The following AGBL1 variants were observed in gnomAD, a reference collection of about 807,000 sequenced individuals.
The protein encoded by AGBL1 is cytosolic carboxypeptidase 4.
Under a neutral mutation model 118.9 loss-of-function variants are expected in AGBL1, and 130 were observed. The observed-to-expected ratio is 1.09, with a 90% CI of 0.95 to 1.26. The LOEUF (loss-of-function observed/expected upper bound fraction) is 1.26. AGBL1 is among the 50% of genes most tolerant of loss of function. The pLI is 0.00. For missense variants in AGBL1, 1,584 were observed against 1,298.1 expected, an observed-to-expected ratio of 1.22 and a Z score of -3.38; for synonymous variants, 555 against 478.9, an observed-to-expected ratio of 1.16 and a Z score of -2.08.
At chr15:86,153,200 A>T (rs1396097012) in intron 3 of AGBL1, among the ~76,000 whole-genome samples, 1 of 152,206 alleles carries the variant, frequency 6.6e-6, no homozygotes, top group Non-Finnish European at 1.5e-5. Context: ...TACTATAAAG[A>T]TACATGCACA....
chr15:86,855,747 C>G (rs144558384), intron 22 of AGBL1, among the ~76,000 whole-genome samples: 19 of 152,320 alleles, frequency 1.2e-4, no homozygotes, highest in African/African-American at 4.6e-4. Context: ...TCTTCCTGTG[C>G]TCGCAGTCTG....
At chr15:86,875,528 A>G (rs930813201) in intron 22 of AGBL1, among the ~76,000 whole-genome samples, 6 of 152,208 alleles carry the variant, frequency 3.9e-5, no homozygotes, top group Admixed American at 2.0e-4. Flanking sequence ...CTGTTCAAGT[A>G]GGTCTGTTTT....
chr15:86,117,740 T>C (rs1286850075), intron 1 of AGBL1, among the ~76,000 whole-genome samples: 2 of 152,194 alleles, frequency 1.3e-5, no homozygotes, highest in Non-Finnish European at 2.9e-5. Context: ...TTTTTCTTTT[T>C]CTGGGTTTTC....
chr15:86,248,150 T>A (rs1330785543), intron 7 of AGBL1, among the ~76,000 whole-genome samples: 3 of 152,104 alleles, frequency 2.0e-5, no homozygotes, highest in Non-Finnish European at 4.4e-5. Flanking sequence ...AACCCCGTGT[T>A]TATTAAAAAT....
Position 86,134,604 on chromosome 15 carries a change from C to CTTTTTTTTT in AGBL1, c.52-7381_52-7373dup, listed in dbSNP as rs141645590. ...TAAGACTGTGATGGATCAATGGTGCCTTTTTTTTTTTTTTTTTTTTTTTTT... is the reference window on the plus strand; with the variant it reads ...TAAGACTGTGATGGATCAATGGTGCCTTTTTTTTTTTTTTTTTTTTTTTTTTTTTTTTTT... On this transcript the variant is annotated intron_variant, in intron 1 of 22. Transcript: ENST00000614907. Among the ~76,000 whole-genome samples, 3 of 84,614 alleles carry CTTTTTTTTT rather than the reference C, an allele frequency of 3.5e-5. 1 individual carries two copies. The allele number at this position is 84,614 out of a possible 152,430, so 55.5% of individuals were successfully genotyped here.
At chr15:86,457,246 G>A (rs946444531) in intron 18 of AGBL1, among the ~76,000 whole-genome samples, 30 of 152,112 alleles carry the variant, frequency 2.0e-4, no homozygotes, top group African/African-American at 7.2e-4. Context: ...CCCAGCATAA[G>A]CATTTGGCCT....
intron 21 of AGBL1, among the ~76,000 whole-genome samples, chr15:86,645,869 A>G (rs2142480912): frequency 6.6e-6 from 1 of 152,344 alleles, no homozygotes; most frequent in South Asian, 2.1e-4. Context: ...ATTCTGGGCC[A>G]TGGAACATTA....
At chr15:86,400,424 G>T (rs2081426848) in intron 18 of AGBL1, among the ~76,000 whole-genome samples, 1 of 150,500 alleles carries the variant, frequency 6.6e-6, no homozygotes, top group Non-Finnish European at 1.5e-5. Flanking sequence ...TTATTAATAG[G>T]CTCCTTTTTG....
chr15:87,021,305 C>T (rs181356112), intron 24 of AGBL1, among the ~76,000 whole-genome samples: 5 of 152,220 alleles, frequency 3.3e-5, no homozygotes, highest in African/African-American at 1.2e-4. Context: ...AAAATTAAAA[C>T]TGGACCTCTT....
At chr15:86,238,161 C>T (rs550393815) in intron 6 of AGBL1, among the ~76,000 whole-genome samples, 1 of 152,290 alleles carries the variant, frequency 6.6e-6, no homozygotes, top group South Asian at 2.1e-4. Context: ...TCACTTGTCT[C>T]TATGTGAAAT....
intron 22 of AGBL1, among the ~76,000 whole-genome samples, chr15:86,836,193 T>C (rs1017836593): frequency 6.6e-6 from 1 of 152,176 alleles, no homozygotes; most frequent in South Asian, 2.1e-4. Flanking sequence ...TCACTGACTT[T>C]AAAATATTGG....
intron 22 of AGBL1, among the ~76,000 whole-genome samples, chr15:86,750,221 T>G (rs2077826457): frequency 6.6e-6 from 1 of 151,954 alleles, no homozygotes; most frequent in Non-Finnish European, 1.5e-5. Flanking sequence ...CCAAAAGGAG[T>G]CATTCAACAA....
chr15:86,427,433 C>T (rs2081880006), intron 18 of AGBL1, among the ~76,000 whole-genome samples: 2 of 151,954 alleles, frequency 1.3e-5, no homozygotes, highest in African/African-American at 4.8e-5. Flanking sequence ...TCCTAAATGA[C>T]ATTTCCAGCT....
chr15:86,630,878 G>A (rs1264893883), intron 21 of AGBL1, among the ~76,000 whole-genome samples: 3 of 152,198 alleles, frequency 2.0e-5, no homozygotes, highest in Non-Finnish European at 2.9e-5. Context: ...GTTCAAACCC[G>A]GAGAGCGCAC....
At chr15:86,884,770 C>G (rs890456645) in intron 22 of AGBL1, among the ~76,000 whole-genome samples, 1 of 152,156 alleles carries the variant, frequency 6.6e-6, no homozygotes, top group Non-Finnish European at 1.5e-5. Context: ...TGAGATTGCA[C>G]CACTGCACTC....
intron 18 of AGBL1, among the ~76,000 whole-genome samples, chr15:86,512,772 A>G (rs776060031): frequency 6.6e-6 from 1 of 151,286 alleles, no homozygotes; most frequent in East Asian, 1.9e-4. Flanking sequence ...TTAATTTTAC[A>G]TTTTTCTCTA....
intron 1 of AGBL1, among the ~76,000 whole-genome samples, chr15:86,094,694 C>T (rs1896242581): frequency 6.6e-6 from 1 of 152,158 alleles, no homozygotes; most frequent in African/African-American, 2.4e-5. Context: ...GCATCATTGA[C>T]CAGTCATTGG....
At chr15:86,382,226 G>A (rs771515308) in intron 17 of AGBL1, among the ~76,000 whole-genome samples, 9 of 152,216 alleles carry the variant, frequency 5.9e-5, no homozygotes, top group Non-Finnish European at 1.2e-4. Context: ...TCAGGCCACT[G>A]CTGGTATGCC....
intron 21 of AGBL1, among the ~76,000 whole-genome samples, chr15:86,657,137 C>T (rs2085473717): frequency 6.6e-6 from 1 of 152,168 alleles, no homozygotes; most frequent in African/African-American, 2.4e-5. Flanking sequence ...AATATGCTCA[C>T]TGTCTACCAT....
Sources: gnomAD v4.1 joint callset for allele counts (sites outside exome capture counted in the v4.1 genomes callset) on GRCh38, gnomAD v4.1.1 for gene constraint, MANE v1.5 for transcripts, NCBI Gene and HGNC (gene_info 2026-07-23, HGNC 2026-07-21) for gene names.